The following FBXO32 variants were observed in gnomAD, a reference collection of about 807,000 sequenced individuals.
The protein encoded by FBXO32 is F-box protein 32.
A neutral mutation model predicts 48.3 loss-of-function variants in FBXO32; 15 were observed. That is an observed-to-expected ratio of 0.31 (90% CI 0.21 to 0.48). FBXO32 has a LOEUF of 0.48. Among genes scored for constraint, FBXO32 ranks in the 20% least tolerant of loss-of-function variants. FBXO32 has a pLI of 0.99. For missense variants in FBXO32, 309 were observed against 432.7 expected (o/e 0.71, Z 2.54); for synonymous variants, 154 against 165.9 (o/e 0.93, Z 0.55).
At position 123,519,478 on chromosome 8, in the gene FBXO32, G is replaced by C. The variant is rs867063564; in HGVS notation, c.373-5145C>G. 1.1e-3 allele frequency among the ~76,000 whole-genome samples: 163 copies of C among 149,024 alleles called. 1 individual carries two copies. Among genetic ancestry groups the C allele is most frequent in the Non-Finnish European group, 1.9e-3 (128 of 67,708 alleles). On this transcript the variant is annotated intron_variant, in intron 4 of 8. Transcript: ENST00000517956. ...AGGCAGGAGAATGGCGTGAACCCGG[G>C]AGGCAGAGCTTGCAGTGAGCTGAGA...
chr8:123,541,110 C>G lies in FBXO32; in HGVS notation c.-96G>C. Reference sequence around the variant, plus strand: ...GGCGGATGCTCGGGGTGCAGGGGCCCGCGACGGGGGCGGCGGGGCGGCGGG... The same window carrying G: ...GGCGGATGCTCGGGGTGCAGGGGCCGGCGACGGGGGCGGCGGGGCGGCGGG... On this transcript the variant is annotated 5_prime_UTR_variant, in exon 1 of 9. Coordinates refer to ENST00000517956, the MANE Select transcript of FBXO32 (RefSeq NM_058229.4). 1 of 683,852 alleles carries G rather than the reference C, an allele frequency of 1.5e-6. No homozygotes were observed. Among genetic ancestry groups the G allele is most frequent in the Non-Finnish European group, 2.1e-6 (1 of 470,872 alleles). The allele number at this position is 683,852 out of a possible 1,614,324, so 42.4% of individuals were successfully genotyped here.
intron 4 of FBXO32, among the ~76,000 whole-genome samples, chr8:123,516,573 A>G (rs1265822637): frequency 6.6e-6 from 1 of 152,196 alleles, no homozygotes; most frequent in Non-Finnish European, 1.5e-5. Context: ...CGGCCTAGGC[A>G]ATTCAGAGCA....
chr8:123,507,438 G>GGTGTGTGT (rs200031056), intron 6 of FBXO32, among the ~76,000 whole-genome samples: 2,158 of 139,852 alleles, frequency 0.015, 23 homozygotes, highest in East Asian at 0.042. Context: ...TCTGTGCTAG[G>GGTGTGTGT]GTGTGTGTGT....
chr8:123,508,476 T>G (rs1563919951), intron 6 of FBXO32, among the ~76,000 whole-genome samples: 1 of 152,148 alleles, frequency 6.6e-6, no homozygotes, highest in Non-Finnish European at 1.5e-5. Context: ...ATGTCCAAAA[T>G]GAATGGCTTA....
In FBXO32 at chr8:123,501,060, T is replaced by C. The variant is rs1372087680; in HGVS notation, c.*2313A>G. On this transcript the variant is annotated 3_prime_UTR_variant, in exon 9 of 9. Transcript: ENST00000517956. ...TGTGCTGACAGTCCACAGCAGGCAA[T>C]GTTTCTGCGACTGCAAACCTGAAGG... is the stretch of plus-strand genomic sequence containing the variant. 2 of 152,226 alleles carry C rather than the reference T, an allele frequency of 1.3e-5. No individual in the cohort carries two copies. Among genetic ancestry groups the C allele is most frequent in the Admixed American group, 6.5e-5 (1 of 15,280 alleles). 9.4% of individuals were successfully genotyped at this position (152,226 alleles called of 1,614,324 possible). A position where few individuals can be genotyped will look rare whatever the true frequency, so the allele number is the denominator to read the frequency against.
At chr8:123,517,238 T>C (rs1816857526) in intron 4 of FBXO32, among the ~76,000 whole-genome samples, 1 of 152,162 alleles carries the variant, frequency 6.6e-6, no homozygotes, top group Non-Finnish European at 1.5e-5. Context: ...CCAGATTCCA[T>C]GTGACTACCA....
At chr8:123,536,242 C>T (rs1817307169) in intron 1 of FBXO32, among the ~76,000 whole-genome samples, 1 of 152,186 alleles carries the variant, frequency 6.6e-6, no homozygotes, top group Admixed American at 6.5e-5. Context: ...CAATAGCTTT[C>T]TCCTTTTCAT....
rs1246787606 is a variant in FBXO32, at chr8:123,513,119, A to C, written c.651+79T>G. ...CCAGACTCTTCCGTCACAGGAGTGA[A>C]TTCAAAGTCTTGGCGAGTCTGTCCA... On this transcript the variant is annotated intron_variant, in intron 6 of 8. Coordinates refer to ENST00000517956, the MANE Select transcript of FBXO32 (RefSeq NM_058229.4). This position sits in a 1 kb window ranked among gnomAD's most constrained non-coding sequence, Gnocchi z 4.3. 12 of 1,453,840 alleles carry C rather than the reference A, an allele frequency of 8.3e-6. No homozygotes were observed. The East Asian group carries it at 2.8e-4, about 34-fold the overall frequency. The allele number at this position is 1,453,840 out of a possible 1,614,324, so 90.1% of individuals were successfully genotyped here. A position where few individuals can be genotyped will look rare whatever the true frequency, so the allele number is the denominator to read the frequency against.
chr8:123,538,082 T>C (rs1817344569), intron 1 of FBXO32, among the ~76,000 whole-genome samples: 1 of 152,174 alleles, frequency 6.6e-6, no homozygotes, highest in South Asian at 2.1e-4. Context: ...TTCTATTTTA[T>C]ATAATTTCAA....
chr8:123,520,937 C>T (rs1224955520), intron 4 of FBXO32, among the ~76,000 whole-genome samples: 1 of 152,206 alleles, frequency 6.6e-6, no homozygotes, highest in Non-Finnish European at 1.5e-5. Context: ...CAAGCTTATT[C>T]TCACCTCTGG....
At position 123,504,588 on chromosome 8, in the gene FBXO32, C is replaced by A. The variant is rs1040250231; in HGVS notation, c.978+16G>T. ...CTGGGCTGGGGGTCTGTGGCAGCCA[C>A]CTCTGAGACACATACCTTCCAGGAA... is the stretch of plus-strand genomic sequence containing the variant. On this transcript the variant is annotated intron_variant, in intron 8 of 8. Transcript: ENST00000517956. The A allele has an allele frequency of 1.9e-6, 3 of 1,609,340 alleles. No homozygotes were observed. Among genetic ancestry groups the A allele is most frequent in the African/African-American group, 1.3e-5 (1 of 74,798 alleles).
intron 6 of FBXO32, among the ~76,000 whole-genome samples, chr8:123,509,681 G>T (rs10087726): frequency 8.6e-5 from 13 of 151,798 alleles, no homozygotes; most frequent in Non-Finnish European, 1.8e-4. Context: ...GCTTGGGCAA[G>T]GGGAATAAGA....
In FBXO32 at chr8:123,503,322, G is replaced by T; in HGVS notation, c.*51C>A. 6.8e-7 allele frequency: 1 copy of T among 1,464,574 alleles called. No homozygotes were observed. The highest frequency in any genetic ancestry group is 9.6e-7 in the Non-Finnish European group (1 of 1,045,650). 90.7% of individuals were successfully genotyped at this position (1,464,574 alleles called of 1,614,324 possible). On this transcript the variant is annotated 3_prime_UTR_variant, in exon 9 of 9. Transcript: ENST00000517956. ...GAAGTGTCCAAATGCCATATTCCCA[G>T]CTCTCCAGTCAGCAGGGGGACCCTT...
At chr8:123,523,222 G>A (rs548005544) in intron 4 of FBXO32, among the ~76,000 whole-genome samples, 2 of 152,258 alleles carry the variant, frequency 1.3e-5, no homozygotes, top group South Asian at 4.1e-4. Flanking sequence ...TGAAAACCCA[G>A]CTCACCTGCC....
chr8:123,531,744 GGAA>G (rs1817214263), intron 4 of FBXO32, among the ~76,000 whole-genome samples, 151 bp downstream of exon 4: 1 of 152,164 alleles, frequency 6.6e-6, no homozygotes, highest in South Asian at 2.1e-4. Context: ...AGTACGTTGG[GGAA>G]GAAGGAGATT....
intron 5 of FBXO32, 179 bp downstream of exon 5, chr8:123,514,061 T>G: frequency 1.1e-5 from 6 of 529,704 alleles, no homozygotes; most frequent in Non-Finnish European, 2.0e-5. Flanking sequence ...CCCTTTGCCA[T>G]GAGGATGAGT....
chr8:123,504,610 G>A lies in FBXO32; in HGVS notation c.972C>T (p.Ser324=), dbSNP rs759114529. ...LQLCKHCHIL[S]WKGTDHPCTA... Reference sequence around the variant, plus strand: ...CCACCTCTGAGACACATACCTTCCAGGAAAGGATGTGACAGTGTTTGCAGA... The same window carrying A: ...CCACCTCTGAGACACATACCTTCCAAGAAAGGATGTGACAGTGTTTGCAGA... The change falls in exon 8 of 9, where the codon TCC becomes TCT. Residue 324 remains serine, a synonymous_variant. Transcript: ENST00000517956. The A allele has an allele frequency of 1.6e-5, 25 of 1,612,660 alleles. No individual in the cohort carries two copies. The highest frequency in any genetic ancestry group is 4.0e-5 in the African/African-American group (3 of 74,792).
rs774488819 is a variant in FBXO32 at position 123,512,556 on chromosome 8, C to T, written c.651+642G>A. Among the ~76,000 whole-genome samples the T allele has an allele frequency of 2.0e-3, 293 of 144,326 alleles. 1 individual carries two copies. The highest frequency in any genetic ancestry group is 7.4e-3 in the Middle Eastern group (2 of 270). 94.7% of individuals were successfully genotyped at this position (144,326 alleles called of 152,430 possible). On this transcript the variant is annotated intron_variant, in intron 6 of 8. Transcript: ENST00000517956. ...TTTTTTTTTTTTTTTTTTCTTGTGC[C>T]TTGGTCCTCCTGCTCACTATTAGGA...
At chr8:123,520,368 G>A (rs1449590063) in intron 4 of FBXO32, among the ~76,000 whole-genome samples, 8 of 152,084 alleles carry the variant, frequency 5.3e-5, no homozygotes, top group Admixed American at 4.6e-4. Context: ...CTGGAATTCC[G>A]TGGTGTCATT....
Sources: allele counts gnomAD v4.1 joint callset (sites outside exome capture counted in the v4.1 genomes callset), GRCh38; gene constraint gnomAD v4.1.1; non-coding constraint Gnocchi (gnomAD v3.1); transcripts MANE v1.5; gene names NCBI Gene and HGNC (gene_info 2026-07-23, HGNC 2026-07-21).